Variants in DCAF8L2 observed in about 807,000 individuals in gnomAD.
DCAF8L2 encodes the protein DDB1- and CUL4-associated factor 8-like protein 2.
For synonymous variants in DCAF8L2, 200 were observed against 190.9 expected, an observed-to-expected ratio of 1.05 and a Z score of -0.39; for missense variants, 430 against 490.7, an observed-to-expected ratio of 0.88 and a Z score of 1.17.
At chrX:27,524,610 A>G in the DCAF8L2 span, among the ~76,000 whole-genome samples, 1 of 109,787 alleles carries the variant, frequency 9.1e-6, no homozygotes, top group East Asian at 2.9e-4. Context: ...TAGTTCTTTT[A>G]ATTGTGATGT....
At chrX:27,599,438 G>T (rs182049815) in intron 1 of DCAF8L2, among the ~76,000 whole-genome samples, 3 of 111,474 alleles carry the variant, frequency 2.7e-5, no homozygotes, top group Non-Finnish European at 5.7e-5. Flanking sequence ...AAATTCTAGA[G>T]ATCTGCTGCA....
At chrX:27,563,482 T>C in the DCAF8L2 span, among the ~76,000 whole-genome samples, 1 of 112,198 alleles carries the variant, frequency 8.9e-6, no homozygotes, top group East Asian at 2.8e-4. Flanking sequence ...TCTAGCCTTT[T>C]CTGTAATTTG....
intron 2 of DCAF8L2, among the ~76,000 whole-genome samples, chrX:27,672,631 T>C (rs956704071): frequency 2.7e-5 from 3 of 111,977 alleles, no homozygotes; most frequent in African/African-American, 9.7e-5. Context: ...TGCCAGTTAA[T>C]CACTTTGAGA....
chrX:27,514,111 TAAGTA>T, the DCAF8L2 span, among the ~76,000 whole-genome samples: 19 of 99,081 alleles, frequency 1.9e-4, no homozygotes, highest in African/African-American at 7.5e-4. Context: ...CATCTATAGA[TAAGTA>T]AAGAAAAGTG....
chrX:27,594,133 G>A (rs1926242366), intron 1 of DCAF8L2, among the ~76,000 whole-genome samples: 1 of 111,820 alleles, frequency 8.9e-6, no homozygotes, highest in Non-Finnish European at 1.9e-5. Flanking sequence ...TATCCACCAT[G>A]TTTAAAACTG....
At chrX:27,596,028 A>C (rs747286474) in intron 1 of DCAF8L2, among the ~76,000 whole-genome samples, 1 of 112,134 alleles carries the variant, frequency 8.9e-6, no homozygotes, top group East Asian at 2.8e-4. Context: ...CTCCATCTCC[A>C]AAAAAACAAA....
chrX:27,548,643 G>T, the DCAF8L2 span, among the ~76,000 whole-genome samples: 2 of 111,281 alleles, frequency 1.8e-5, no homozygotes, highest in African/African-American at 6.5e-5. Context: ...GTACTGAACA[G>T]TGTTACAACA....
intron 1 of DCAF8L2, among the ~76,000 whole-genome samples, chrX:27,618,319 T>C (rs1037351430): frequency 6.3e-5 from 7 of 111,086 alleles, no homozygotes; most frequent in African/African-American, 2.3e-4. Flanking sequence ...AAATGCTGCA[T>C]GGGGGTAACA....
At chrX:27,616,214 T>C (rs1307643792) in intron 1 of DCAF8L2, among the ~76,000 whole-genome samples, 1 of 111,293 alleles carries the variant, frequency 9.0e-6, no homozygotes. Flanking sequence ...TATCATTGTA[T>C]TATGGTATTC....
chrX:27,698,310 G>A (rs1006163169), intron 3 of DCAF8L2, among the ~76,000 whole-genome samples: 16 of 111,121 alleles, frequency 1.4e-4, no homozygotes, highest in African/African-American at 4.9e-4. Context: ...GTCTTGATTT[G>A]TCTCCCAGCA....
At chrX:27,559,862 A>C in the DCAF8L2 span, among the ~76,000 whole-genome samples, 2 of 111,703 alleles carry the variant, frequency 1.8e-5, no homozygotes, top group Non-Finnish European at 3.8e-5. Context: ...TACTTTTGTC[A>C]ATCTTCCAAT....
At chrX:27,709,919 C>T (rs2147280394) in intron 3 of DCAF8L2, among the ~76,000 whole-genome samples, 1 of 110,630 alleles carries the variant, frequency 9.0e-6, no homozygotes, top group African/African-American at 3.3e-5. Flanking sequence ...TTTGTGTGTC[C>T]TATCTAATAA....
At chrX:27,491,196 T>A in the DCAF8L2 span, among the ~76,000 whole-genome samples, 100 of 112,912 alleles carry the variant, frequency 8.9e-4, no homozygotes, top group South Asian at 1.1e-3. Context: ...ACTTTTTTGT[T>A]TTATTCTAAA....
At chrX:27,554,152 C>G in the DCAF8L2 span, among the ~76,000 whole-genome samples, 8 of 111,570 alleles carry the variant, frequency 7.2e-5, no homozygotes, top group Admixed American at 9.5e-5. Context: ...AAAATATTTA[C>G]TCTCCGGCGC....
intron 1 of DCAF8L2, among the ~76,000 whole-genome samples, chrX:27,607,316 T>A: frequency 8.9e-6 from 1 of 111,744 alleles, no homozygotes; most frequent in Non-Finnish European, 1.9e-5. Flanking sequence ...AGTAATTCTG[T>A]TTTGTGGAGC....
chrX:27,591,021 A>G (rs1224650776), intron 1 of DCAF8L2, among the ~76,000 whole-genome samples: 2 of 99,412 alleles, frequency 2.0e-5, no homozygotes, highest in Non-Finnish European at 4.1e-5. Flanking sequence ...ATATAAATAA[A>G]TAATTTGATA....
chrX:27,720,911 T>C lies in DCAF8L2; in HGVS notation c.-59+4740T>C, dbSNP rs889760260. ...ATGCATTTATAAATAGTTTATTTTT[T>C]ACTTTATTAAAATTTGAGTTTTAAA... On this transcript the variant is annotated intron_variant, in intron 4 of 4. Coordinates refer to ENST00000451261, the MANE Select transcript of DCAF8L2 (RefSeq NM_001353450.2). Among the ~76,000 whole-genome samples the C allele has an allele frequency of 2.7e-5, 3 of 111,983 alleles. No homozygotes were observed. The Admixed American group carries it at 2.8e-4, about 11-fold the overall frequency.
In DCAF8L2 at chrX:27,748,427, G is replaced by A. The variant is rs781462348; in HGVS notation, c.1532G>A (p.Ser511Asn). ...CAAATCATCCAGTTCCTAAAGGGGA[G>A]CAGAGAAGGTACAATAAACTGTCTT... is the stretch of plus-strand genomic sequence containing the variant. ...SCQIIQFLKG[S>N]REGTINCLEP... The change falls in exon 5 of 5, where the codon AGC becomes AAC. Residue 511 changes from serine to asparagine, a missense_variant. Ser to Asn is a conservative substitution (Grantham distance 46). Coordinates refer to ENST00000451261, the MANE Select transcript of DCAF8L2 (RefSeq NM_001353450.2). 3.3e-6 allele frequency: 4 copies of A among 1,203,096 alleles called. No individual in the cohort carries two copies. The highest frequency in any genetic ancestry group is 4.5e-5 in the Admixed American group (2 of 44,767).
intron 2 of DCAF8L2, among the ~76,000 whole-genome samples, chrX:27,674,951 A>G (rs771497066): frequency 1.1e-4 from 12 of 111,395 alleles, no homozygotes; most frequent in South Asian, 3.8e-4. Context: ...TTAACACCCA[A>G]TGGAAAGTGA....
Sources: gnomAD v4.1 joint callset for allele counts (sites outside exome capture counted in the v4.1 genomes callset) on GRCh38, gnomAD v4.1.1 for gene constraint, MANE v1.5 for transcripts, NCBI Gene and HGNC (gene_info 2026-07-23, HGNC 2026-07-21) for gene names.